The following PRRC2B variants were observed in gnomAD, a reference collection of about 807,000 sequenced individuals.
The protein encoded by PRRC2B is proline rich coiled-coil 2B.
A neutral mutation model predicts 242.3 loss-of-function variants in PRRC2B; 68 were observed. The ratio of observed to expected loss-of-function variants is 0.28; its 90% CI spans 0.23 to 0.34. PRRC2B has a LOEUF of 0.34. Among genes scored for constraint, PRRC2B ranks in the 10% least tolerant of loss-of-function variants. PRRC2B has a pLI of 1.00. For synonymous variants in PRRC2B, 1,228 were observed against 1,173.6 expected, an observed-to-expected ratio of 1.05 and a Z score of -0.95; for missense variants, 2,835 against 2,954.8, an observed-to-expected ratio of 0.96 and a Z score of 0.94.
chr9:131,485,315 C>G (rs1588280361), intron 25 of PRRC2B, among the ~76,000 whole-genome samples, 175 bp downstream of exon 25: 2 of 152,350 alleles, frequency 1.3e-5, no homozygotes, highest in South Asian at 4.1e-4. Context: ...ATGTGCACGT[C>G]CTGCTTCCCC....
chr9:131,485,054 C>T lies in PRRC2B; in HGVS notation c.5672C>T (p.Ser1891Phe). Residue 1891 changes from serine (S) to phenylalanine (F), a missense_variant, in exon 25 of 32, where the codon TCC (serine) becomes TTC (phenylalanine). Ser to Phe is a radical substitution (Grantham distance 155, BLOSUM62 -2). Coordinates refer to ENST00000683519, the MANE Select transcript of PRRC2B (RefSeq NM_013318.4). ...GIQPPSSVGA[S>F]SGVNYSSFGG... ...CAGCCTCCATCCTCTGTGGGTGCCT[C>T]CAGCGGGGTCAACTACAGCTCCTTC... 1 of 1,610,200 alleles carries T rather than the reference C, an allele frequency of 6.2e-7. No individual in the cohort carries two copies. Among genetic ancestry groups the T allele is most frequent in the South Asian group, 1.1e-5 (1 of 90,194 alleles).
Position 131,439,058 on chromosome 9 carries a change from G to T in PRRC2B, c.466G>T (p.Gly156Cys). The change falls in exon 5 of 32, where the codon GGT becomes TGT. Residue 156 changes from glycine (G) to cysteine (C), a missense_variant. Around this residue, in one of 7 missense-constraint regions of PRRC2B, gnomAD observed 626 missense variants for 685.5 expected, o/e 0.91. Coordinates refer to ENST00000683519, the MANE Select transcript of PRRC2B (RefSeq NM_013318.4). ...QLNGKPVGHE[G>C]GLRGSSRLLS... is the part of the protein sequence containing the mutation. The stretch of plus-strand genomic sequence containing the variant: ...GAATGGAAAGCCAGTAGGACACGAA[G>T]GTGGTAAGTGCGCACGTGTGTGTGT... 1.2e-6 allele frequency: 2 copies of T among 1,613,544 alleles called. No homozygotes were observed. Among genetic ancestry groups the T allele is most frequent in the Non-Finnish European group, 1.7e-6 (2 of 1,179,618 alleles).
At chr9:131,456,256 TTTTG>T (rs1020255835) in intron 10 of PRRC2B, among the ~76,000 whole-genome samples, 1 of 151,804 alleles carries the variant, frequency 6.6e-6, no homozygotes, top group African/African-American at 2.4e-5. Flanking sequence ...ACTAGTTTAG[TTTTG>T]TTTAATTTCC....
intron 1 of PRRC2B, among the ~76,000 whole-genome samples, chr9:131,397,788 G>T (rs990937545): frequency 2.0e-5 from 3 of 151,700 alleles, no homozygotes; most frequent in East Asian, 1.9e-4. Context: ...TGTCATGGGC[G>T]GACAGGTACT....
intron 11 of PRRC2B, among the ~76,000 whole-genome samples, chr9:131,461,729 CAG>C (rs1007753226): frequency 6.6e-6 from 1 of 152,140 alleles, no homozygotes; most frequent in African/African-American, 2.4e-5. Flanking sequence ...TTAGTAGAGA[CAG>C]GGTTTTGCCA....
At chr9:131,455,801 G>A (rs1439792449) in intron 10 of PRRC2B, among the ~76,000 whole-genome samples, 1 of 151,932 alleles carries the variant, frequency 6.6e-6, no homozygotes, top group East Asian at 1.9e-4. Context: ...CAGATTCCTC[G>A]GAGCCTTGAA....
chr9:131,440,354 A>C (rs1279507451), intron 5 of PRRC2B, among the ~76,000 whole-genome samples: 1 of 151,980 alleles, frequency 6.6e-6, no homozygotes, highest in Non-Finnish European at 1.5e-5. Flanking sequence ...TTTGTCACAC[A>C]GGCTGGAGTG....
chr9:131,392,090 G>A (rs1836908109), upstream of PRRC2B, among the ~76,000 whole-genome samples: 1 of 148,026 alleles, frequency 6.8e-6, no homozygotes, highest in Non-Finnish European at 1.5e-5. Flanking sequence ...TTTTTTGCTT[G>A]TTTATTTTCT....
chr9:131,412,912 G>GC (rs1199947229), intron 1 of PRRC2B, among the ~76,000 whole-genome samples: 1 of 151,158 alleles, frequency 6.6e-6, no homozygotes, highest in Non-Finnish European at 1.5e-5. Context: ...TCCAGCCTCA[G>GC]CCTCCCGAGT....
In PRRC2B at chr9:131,444,207, G is replaced by C; in HGVS notation, c.492G>C (p.Leu164=). The C allele has an allele frequency of 6.2e-7, 1 of 1,614,026 alleles. No individual in the cohort carries two copies. Among genetic ancestry groups the C allele is most frequent in the Non-Finnish European group, 8.5e-7 (1 of 1,179,888 alleles). ...HEGGLRGSSR[L]LSFSPEEFPT... ...CAGGTTTAAGGGGCTCAAGCCGACTGTTATCCTTCTCTCCCGAGGAATTTC... is the reference window on the plus strand; with the variant it reads ...CAGGTTTAAGGGGCTCAAGCCGACTCTTATCCTTCTCTCCCGAGGAATTTC... The change falls in exon 6 of 32, where the codon CTG becomes CTC. Residue 164 remains leucine (L), a synonymous_variant. Coordinates refer to ENST00000683519, the MANE Select transcript of PRRC2B (RefSeq NM_013318.4).
At chr9:131,449,762 G>GT (rs927244071) in intron 9 of PRRC2B, among the ~76,000 whole-genome samples, 2 of 151,914 alleles carry the variant, frequency 1.3e-5, no homozygotes, top group African/African-American at 2.4e-5. Context: ...ACAAATTTGG[G>GT]TTTTTTTGTG....
intron 9 of PRRC2B, among the ~76,000 whole-genome samples, chr9:131,448,418 C>G (rs1255718343): frequency 6.6e-6 from 1 of 151,442 alleles, no homozygotes; most frequent in Non-Finnish European, 1.5e-5. Flanking sequence ...GTGGCGCGTG[C>G]CTGTAGTCCC....
intron 1 of PRRC2B, among the ~76,000 whole-genome samples, chr9:131,383,735 C>CGG (rs1438522106): frequency 6.6e-6 from 1 of 151,368 alleles, no homozygotes; most frequent in African/African-American, 2.4e-5. Flanking sequence ...GATTCTCCAG[C>CGG]CTCAGCCTCC....
chr9:131,475,075 G>T lies in PRRC2B; in HGVS notation c.2946G>T (p.Thr982=). 6.2e-7 allele frequency: 1 copy of T among 1,610,856 alleles called. No homozygotes were observed. Among genetic ancestry groups the T allele is most frequent in the Non-Finnish European group, 8.5e-7 (1 of 1,178,512 alleles). Residue 982 remains threonine (T), a synonymous_variant, in exon 16 of 32, where the codon ACG becomes ACT. Coordinates refer to ENST00000683519, the MANE Select transcript of PRRC2B (RefSeq NM_013318.4). The part of the protein sequence containing the change: ...RLAKEKEQSP[T]AEKDEDEEND... Reference sequence around the variant, plus strand: ...CCAAGGAGAAGGAGCAGAGCCCCACGGCAGAAAAGGATGAGGACGAAGAGA... The same window carrying T: ...CCAAGGAGAAGGAGCAGAGCCCCACTGCAGAAAAGGATGAGGACGAAGAGA...
chr9:131,436,202 A>G (rs888722936), intron 3 of PRRC2B, among the ~76,000 whole-genome samples: 4 of 152,234 alleles, frequency 2.6e-5, no homozygotes, highest in African/African-American at 2.4e-5. Context: ...GAAAAGTTTC[A>G]TTTTTAAAAA....
At chr9:131,406,058 C>T (rs553375560) in intron 1 of PRRC2B, among the ~76,000 whole-genome samples, 6 of 152,276 alleles carry the variant, frequency 3.9e-5, no homozygotes, top group East Asian at 1.9e-4. Flanking sequence ...CTCCATAGAC[C>T]GCAGCTATTA....
At chr9:131,495,143 G>T (rs941106942) in intron 31 of PRRC2B, among the ~76,000 whole-genome samples, 1 of 152,012 alleles carries the variant, frequency 6.6e-6, no homozygotes, top group Admixed American at 6.5e-5. Flanking sequence ...AGACCTGGTG[G>T]GGGGCAGATG....
In PRRC2B at chr9:131,479,295, G is replaced by A. The variant is rs1943792427; in HGVS notation, c.4802G>A (p.Arg1601Gln). 1.9e-6 allele frequency: 3 copies of A among 1,613,610 alleles called. No homozygotes were observed. Among genetic ancestry groups the A allele is most frequent in the Admixed American group, 1.7e-5 (1 of 59,986 alleles). The change falls in exon 19 of 32, where the codon CGA becomes CAA. Residue 1601 changes from arginine (R) to glutamine (Q), a missense_variant. Around this residue, in one of 7 missense-constraint regions of PRRC2B, gnomAD observed 1,536 missense variants for 1,483.1 expected, o/e 1.04. Transcript: ENST00000683519. ...GRGLSSRIPP[R>Q]FAKKQNNLCL... ...GGCCTTTCCTCCCGTATTCCTCCTC[G>A]ATTTGCAAAAAAGCAGAACAACTTA... is the stretch of plus-strand genomic sequence containing the variant.
upstream of PRRC2B, among the ~76,000 whole-genome samples, chr9:131,390,656 G>C (rs1390733162): frequency 6.7e-6 from 1 of 149,510 alleles, no homozygotes; most frequent in Non-Finnish European, 1.5e-5. Flanking sequence ...CTAATTTTTT[G>C]TATTTTTAGT....
Sources: allele counts gnomAD v4.1 joint callset (sites outside exome capture counted in the v4.1 genomes callset), GRCh38; gene constraint gnomAD v4.1.1; regional missense constraint gnomAD v4.1.1; transcripts MANE v1.5; gene names NCBI Gene and HGNC (gene_info 2026-07-23, HGNC 2026-07-21).